Variants in AFTPH observed in about 807,000 individuals in gnomAD.
AFTPH encodes the protein aftiphilin protein.
In AFTPH, 7 loss-of-function variants were observed where a neutral mutation model predicts 72.5. The ratio of observed to expected loss-of-function variants is 0.10; its 90% confidence interval spans 0.05 to 0.18. The LOEUF is 0.18. Among genes scored for constraint, AFTPH ranks in the 10% least tolerant of loss-of-function variants. AFTPH has a pLI of 1.00. For missense variants in AFTPH, 979 were observed against 1,060.5 expected (o/e 0.92, Z 1.07); for synonymous variants, 337 against 370.1 (o/e 0.91, Z 1.03).
chr2:64,556,546 T>C (rs1014801610), intron 2 of AFTPH, among the ~76,000 whole-genome samples: 5 of 152,212 alleles, frequency 3.3e-5, no homozygotes, highest in Non-Finnish European at 5.9e-5. Context: ...ACAAATGGTA[T>C]AGTTGGTCAT....
intron 3 of AFTPH, among the ~76,000 whole-genome samples, chr2:64,568,515 AG>A (rs1349417738): frequency 6.6e-6 from 1 of 152,202 alleles, no homozygotes; most frequent in Non-Finnish European, 1.5e-5. Context: ...ATCCTCCAAT[AG>A]CCTTCTGAGA....
At chr2:64,555,886 C>CATTA (rs1671330604) in intron 2 of AFTPH, among the ~76,000 whole-genome samples, 1 of 151,958 alleles carries the variant, frequency 6.6e-6, no homozygotes, top group African/African-American at 2.4e-5. Flanking sequence ...TAGAAGAGTG[C>CATTA]ATTAATTTAG....
intron 1 of AFTPH, among the ~76,000 whole-genome samples, chr2:64,534,988 A>G (rs1290725516): frequency 6.6e-6 from 1 of 152,152 alleles, no homozygotes; most frequent in Admixed American, 6.5e-5. Context: ...TTTTAAGAAG[A>G]GTATTGACGA....
intron 4 of AFTPH, 112 bp downstream of exon 4, chr2:64,569,330 T>G: frequency 7.2e-7 from 1 of 1,383,456 alleles, no homozygotes. Context: ...AATAAATATT[T>G]GGTTTAAATG....
chr2:64,581,537 G>C (rs1673197586), intron 7 of AFTPH, among the ~76,000 whole-genome samples: 2 of 152,024 alleles, frequency 1.3e-5, no homozygotes, highest in Non-Finnish European at 2.9e-5. Flanking sequence ...TTAAAGGCAG[G>C]GCTGTTGGTT....
chr2:64,580,305 T>TTGTC (rs1673113928), intron 7 of AFTPH: 1 of 152,662 alleles, frequency 6.6e-6, no homozygotes, highest in Non-Finnish European at 1.5e-5. Flanking sequence ...ACACCTATCA[T>TTGTC]TGTCTAAATG....
exon 2 of AFTPH, chr2:64,553,180 T>C: frequency 1.2e-6 from 2 of 1,614,164 alleles, no homozygotes; most frequent in Non-Finnish European, 1.7e-6. Context: ...CCTAGCCAAG[T>C]TGTAGATTGG....
At chr2:64,537,948 A>C (rs1669981381) in intron 1 of AFTPH, among the ~76,000 whole-genome samples, 1 of 152,152 alleles carries the variant, frequency 6.6e-6, no homozygotes, top group African/African-American at 2.4e-5. Flanking sequence ...GATTTGGAGG[A>C]ATTGGATGAG....
At chr2:64,550,676 TGCACAC>T (rs1670975482) in intron 1 of AFTPH, among the ~76,000 whole-genome samples, 1 of 75,884 alleles carries the variant, frequency 1.3e-5, no homozygotes, top group Non-Finnish European at 2.8e-5. Context: ...ACTGTACGCA[TGCACAC>T]ACACACACAC....
chr2:64,570,765 A>G (rs1188357018), intron 5 of AFTPH, among the ~76,000 whole-genome samples: 1 of 152,184 alleles, frequency 6.6e-6, no homozygotes, highest in African/African-American at 2.4e-5. Flanking sequence ...GCAGTGACCT[A>G]CTTAATGCTT....
intron 1 of AFTPH, among the ~76,000 whole-genome samples, chr2:64,549,439 G>C (rs1240683188): frequency 6.9e-6 from 1 of 144,618 alleles, no homozygotes; most frequent in African/African-American, 2.5e-5. Context: ...TCCTGCCTCA[G>C]CTTCCTAAGT....
At chr2:64,560,497 T>G (rs1160703499) in intron 2 of AFTPH, among the ~76,000 whole-genome samples, 1 of 152,158 alleles carries the variant, frequency 6.6e-6, no homozygotes, top group Non-Finnish European at 1.5e-5. Context: ...CAAATGTACC[T>G]TTGAAGATGT....
intron 1 of AFTPH, among the ~76,000 whole-genome samples, chr2:64,542,616 C>G (rs1670321440): frequency 6.6e-6 from 1 of 152,094 alleles, no homozygotes; most frequent in African/African-American, 2.4e-5. Flanking sequence ...TTGTTATCAG[C>G]ATCCCCCCGC....
rs140156721 is a variant in AFTPH, at chr2:64,525,507, A to C, written c.-33+895A>C. 449 of 154,490 alleles carry C rather than the reference A, an allele frequency of 2.9e-3. 1 individual carries two copies. Among genetic ancestry groups the C allele is most frequent in the African/African-American group, 0.01 (425 of 41,634 alleles). 9.6% of individuals were successfully genotyped at this position (154,490 alleles called of 1,614,324 possible). Reference sequence around the variant, plus strand: ...AAACAAAAGTAATGGTTCCGTTTCAAAGTTCTCACTTTAGGAGAAGTAAAG... The same window carrying C: ...AAACAAAAGTAATGGTTCCGTTTCACAGTTCTCACTTTAGGAGAAGTAAAG... On this transcript the variant is annotated intron_variant, in intron 1 of 8. Transcript: ENST00000238856.
intron 1 of AFTPH, among the ~76,000 whole-genome samples, chr2:64,536,951 CAAAAAAAAAA>C (rs70937353): frequency 7.3e-5 from 6 of 81,810 alleles, no homozygotes; most frequent in Admixed American, 2.9e-4. Flanking sequence ...GACTCTGTCT[CAAAAAAAAAA>C]AAAAAAAAAA....
chr2:64,573,429 G>GT (rs1429662034), intron 6 of AFTPH, among the ~76,000 whole-genome samples: 4 of 120,350 alleles, frequency 3.3e-5, no homozygotes, highest in Non-Finnish European at 7.4e-5. Context: ...TAAGTGCTGG[G>GT]TTTAAAAAAA....
At chr2:64,564,736 A>G (rs1030850147) in intron 2 of AFTPH, among the ~76,000 whole-genome samples, 2 of 152,208 alleles carry the variant, frequency 1.3e-5, no homozygotes, top group Non-Finnish European at 1.5e-5. Flanking sequence ...ATTAACTAGT[A>G]GTAAGTTAAA....
At chr2:64,533,393 A>T (rs748916758) in intron 1 of AFTPH, among the ~76,000 whole-genome samples, 2 of 152,122 alleles carry the variant, frequency 1.3e-5, no homozygotes. Flanking sequence ...AGTGAGTGAG[A>T]CCCTGCCTCC....
intron 1 of AFTPH, among the ~76,000 whole-genome samples, chr2:64,539,238 A>T (rs1429376069): frequency 2.0e-5 from 3 of 152,150 alleles, no homozygotes; most frequent in African/African-American, 4.8e-5. Flanking sequence ...AATTAGTTGG[A>T]CTATCCAGAG....
Sources: allele counts gnomAD v4.1 joint callset (sites outside exome capture counted in the v4.1 genomes callset), GRCh38; gene constraint gnomAD v4.1.1; transcripts MANE v1.5; gene names NCBI Gene and HGNC (gene_info 2026-07-23, HGNC 2026-07-21).